Variants in BTBD9 observed in about 807,000 individuals in gnomAD.
BTBD9 encodes the protein BTB domain containing 9.
In BTBD9, 49 loss-of-function variants were observed where a neutral mutation model predicts 64.3. The ratio of observed to expected loss-of-function variants is 0.76; its 90% CI spans 0.61 to 0.97. The LOEUF (loss-of-function observed/expected upper bound fraction) is 0.97. Among genes scored for constraint, BTBD9 ranks in the 50% least tolerant of loss-of-function variants. The pLI is 0.00. For missense variants in BTBD9, 598 were observed against 762.1 expected, an observed-to-expected ratio of 0.78 and a Z score of 2.53; for synonymous variants, 260 against 274.7, an observed-to-expected ratio of 0.95 and a Z score of 0.53.
chr6:38,524,759 T>C (rs1035534474), intron 6 of BTBD9, among the ~76,000 whole-genome samples: 5 of 152,190 alleles, frequency 3.3e-5, no homozygotes, highest in African/African-American at 1.2e-4. Flanking sequence ...ATAAACATTA[T>C]AAAATTAACC....
At chr6:38,465,644 G>A (rs1281268516) in intron 6 of BTBD9, among the ~76,000 whole-genome samples, 7 of 139,584 alleles carry the variant, frequency 5.0e-5, no homozygotes, top group Admixed American at 3.7e-4. Flanking sequence ...CCGAGACCAC[G>A]CCACTGCACT....
chr6:38,389,274 C>T (rs992262455), intron 6 of BTBD9, among the ~76,000 whole-genome samples: 4 of 152,166 alleles, frequency 2.6e-5, no homozygotes, highest in African/African-American at 9.7e-5. Flanking sequence ...GAGAAATATG[C>T]TCAGATGTGT....
chr6:38,521,681 T>C (rs1056790754), intron 6 of BTBD9, among the ~76,000 whole-genome samples: 3 of 151,984 alleles, frequency 2.0e-5, no homozygotes, highest in Non-Finnish European at 2.9e-5. Flanking sequence ...CCTCACTACT[T>C]CTTTTTTTTT....
In BTBD9 at chr6:38,288,451, C is replaced by T. The variant is rs1194216559; in HGVS notation, c.1275G>A (p.Glu425=). ...TLEKGLIVPM[E]NVATIADCAS... is the part of the protein sequence containing the mutation. The stretch of plus-strand genomic sequence containing the variant: ...CACAATCAGCAATTGTTGCAACATT[C>T]TCCATGGGAACTGTGAATCCAAAAA... The change falls in exon 8 of 11, where the codon GAG becomes GAA. Residue 425 remains glutamate (E), a synonymous_variant. Coordinates refer to ENST00000481247, the MANE Select transcript of BTBD9 (RefSeq NM_001099272.2). The T allele has an allele frequency of 2.5e-6, 4 of 1,613,804 alleles. No homozygotes were observed. Among genetic ancestry groups the T allele is most frequent in the Non-Finnish European group, 3.4e-6 (4 of 1,179,846 alleles).
intron 9 of BTBD9, among the ~76,000 whole-genome samples, chr6:38,229,579 T>C (rs1763527153): frequency 6.6e-6 from 1 of 152,176 alleles, no homozygotes; most frequent in Middle Eastern, 3.2e-3. Context: ...CATATGGATA[T>C]ATGAACACCT....
intron 9 of BTBD9, among the ~76,000 whole-genome samples, chr6:38,220,018 G>A (rs924106408): frequency 1.3e-5 from 2 of 152,186 alleles, no homozygotes; most frequent in African/African-American, 2.4e-5. Context: ...AACCAACCAC[G>A]GAAGTAAATT....
chr6:38,263,514 G>A (rs1764863577), intron 8 of BTBD9, among the ~76,000 whole-genome samples: 2 of 152,064 alleles, frequency 1.3e-5, no homozygotes, highest in African/African-American at 4.8e-5. Context: ...ATCCATGCTG[G>A]GCTAATCAGA....
intron 9 of BTBD9, among the ~76,000 whole-genome samples, chr6:38,214,982 C>G (rs536778517): frequency 6.6e-6 from 1 of 152,178 alleles, no homozygotes; most frequent in Non-Finnish European, 1.5e-5. Context: ...CCTTGGCACA[C>G]GGAAATCTCT....
At chr6:38,275,837 G>T (rs1178129782) in intron 8 of BTBD9, among the ~76,000 whole-genome samples, 12 of 152,036 alleles carry the variant, frequency 7.9e-5, no homozygotes, top group South Asian at 2.1e-4. Context: ...TCATTAAAAA[G>T]CCAGGAAACA....
chr6:38,218,665 G>A (rs1159686254), intron 9 of BTBD9, among the ~76,000 whole-genome samples: 1 of 152,190 alleles, frequency 6.6e-6, no homozygotes, highest in Admixed American at 6.5e-5. Context: ...TAGTTGCCTA[G>A]CCTCTAAATC....
chr6:38,604,190 T>G (rs1286056987), intron 1 of BTBD9, among the ~76,000 whole-genome samples: 1 of 152,242 alleles, frequency 6.6e-6, no homozygotes, highest in African/African-American at 2.4e-5. Context: ...GGAGTTCACA[T>G]GACAGGATTC....
intron 7 of BTBD9, among the ~76,000 whole-genome samples, chr6:38,320,836 G>T (rs1454151135): frequency 6.6e-6 from 1 of 152,114 alleles, no homozygotes; most frequent in East Asian, 1.9e-4. Context: ...ATAAATCTGG[G>T]TATTACACAA....
chr6:38,604,649 C>T (rs1777366216), intron 1 of BTBD9, among the ~76,000 whole-genome samples: 2 of 152,154 alleles, frequency 1.3e-5, no homozygotes, highest in Non-Finnish European at 2.9e-5. Context: ...AAGTCAAATA[C>T]TTCCATAAGT....
rs187634127 is a variant in BTBD9 at position 38,405,185 on chromosome 6, T to C, written c.1155-60092A>G. Among the ~76,000 whole-genome samples, 111 of 152,298 alleles carry C rather than the reference T, an allele frequency of 7.3e-4. 4 individuals are homozygous for C. In the South Asian group the frequency reaches 0.011, roughly 16 times the overall value. ...TATCCAGAATGCTAAATAGACAATC[T>C]ATCTGAGGAAGGGCCTGATCCCTCA... On this transcript the variant is annotated intron_variant, in intron 6 of 10. Transcript: ENST00000481247.
intron 6 of BTBD9, among the ~76,000 whole-genome samples, chr6:38,550,778 T>G (rs1221029220): frequency 6.6e-6 from 1 of 152,204 alleles, no homozygotes; most frequent in Non-Finnish European, 1.5e-5. Flanking sequence ...GTGTCTGCCC[T>G]TATACAACCT....
chr6:38,485,261 A>G (rs9470888), intron 6 of BTBD9, among the ~76,000 whole-genome samples: 76,016 of 152,072 alleles, frequency 0.5, 20,231 homozygotes, highest in Non-Finnish European at 0.6. Flanking sequence ...ACTGCTGTTA[A>G]TATTTTGACC....
At chr6:38,464,793 G>T (rs1017228515) in intron 6 of BTBD9, among the ~76,000 whole-genome samples, 2 of 152,130 alleles carry the variant, frequency 1.3e-5, no homozygotes, top group African/African-American at 4.8e-5. Flanking sequence ...ACTGCACCTG[G>T]CCTATAATTT....
intron 7 of BTBD9, among the ~76,000 whole-genome samples, chr6:38,314,953 T>G (rs1355648942): frequency 3.3e-5 from 5 of 152,058 alleles, no homozygotes; most frequent in Non-Finnish European, 7.4e-5. Flanking sequence ...GGGTTCACGC[T>G]ATTCTCCTGC....
At chr6:38,321,883 G>A (rs1763248609) in intron 7 of BTBD9, among the ~76,000 whole-genome samples, 1 of 151,384 alleles carries the variant, frequency 6.6e-6, no homozygotes, top group Non-Finnish European at 1.5e-5. Flanking sequence ...TATATAAAGA[G>A]AAACAGTTTT....
Sources: allele counts gnomAD v4.1 joint callset (sites outside exome capture counted in the v4.1 genomes callset), GRCh38; gene constraint gnomAD v4.1.1; transcripts MANE v1.5; gene names NCBI Gene and HGNC (gene_info 2026-07-23, HGNC 2026-07-21).